The following AGMO variants were observed in gnomAD, a reference collection of about 807,000 sequenced individuals.
AGMO encodes alkylglycerol monooxygenase, also known as glyceryl-ether monooxygenase.
A neutral mutation model predicts 60.2 loss-of-function variants in AGMO; 75 were observed. That is an observed-to-expected ratio of 1.25 (90% confidence interval 1.03 to 1.51). The LOEUF (loss-of-function observed/expected upper bound fraction) is 1.51. AGMO is among the 40% of genes most tolerant of loss of function. The pLI is 0.00. For synonymous variants in AGMO, 261 were observed against 177.1 expected, an observed-to-expected ratio of 1.47 and a Z score of -3.76; for missense variants, 763 against 525.5, an observed-to-expected ratio of 1.45 and a Z score of -4.42.
intron 12 of AGMO, among the ~76,000 whole-genome samples, chr7:15,353,204 C>G (rs999889601): frequency 6.6e-6 from 1 of 152,066 alleles, no homozygotes; most frequent in Non-Finnish European, 1.5e-5. Flanking sequence ...TAATTCACCA[C>G]GCTGACGTTG....
At chr7:15,477,425 G>A (rs892142053) in intron 3 of AGMO, among the ~76,000 whole-genome samples, 1 of 152,042 alleles carries the variant, frequency 6.6e-6, no homozygotes, top group South Asian at 2.1e-4. Flanking sequence ...GTTTCAAGGT[G>A]AAAATACATT....
intron 3 of AGMO, among the ~76,000 whole-genome samples, chr7:15,532,399 A>G (rs549945109): frequency 6.6e-6 from 1 of 152,310 alleles, no homozygotes; most frequent in South Asian, 2.1e-4. Flanking sequence ...GAGTTGGGCA[A>G]GTTGCTTAAA....
At chr7:15,438,424 A>G (rs1781459241) in intron 3 of AGMO, among the ~76,000 whole-genome samples, 1 of 152,212 alleles carries the variant, frequency 6.6e-6, no homozygotes, top group African/African-American at 2.4e-5. Context: ...AAATGGAGAT[A>G]CAATAATATT....
chr7:15,247,472 A>AGG (rs1216523864), intron 12 of AGMO, among the ~76,000 whole-genome samples: 2 of 150,246 alleles, frequency 1.3e-5, no homozygotes, highest in African/African-American at 2.5e-5. Flanking sequence ...AGAGAGAGAG[A>AGG]GAGAGAGGGA....
chr7:15,310,745 T>A (rs1005975405), intron 12 of AGMO, among the ~76,000 whole-genome samples: 8 of 152,150 alleles, frequency 5.3e-5, no homozygotes, highest in Non-Finnish European at 1.0e-4. Flanking sequence ...ACAAATTAAT[T>A]TTTTACAGTT....
chr7:15,133,484 G>A, the AGMO span, among the ~76,000 whole-genome samples: 1 of 134,670 alleles, frequency 7.4e-6, no homozygotes, highest in African/African-American at 2.6e-5. Context: ...ATAGAATGGA[G>A]AGAGAATACC....
rs991491092 is a variant in AGMO at position 15,549,405 on chromosome 7, C to T, written c.258-4482G>A. On this transcript the variant is annotated intron_variant, in intron 2 of 12. Transcript: ENST00000342526. Reference sequence around the variant, plus strand: ...TAAAGAGTGAAGACCCATCAGTGCACTGTATTCAGGAAACCCATCTCATGT... The same window carrying T: ...TAAAGAGTGAAGACCCATCAGTGCATTGTATTCAGGAAACCCATCTCATGT... Among the ~76,000 whole-genome samples, 101 of 152,244 alleles carry T rather than the reference C, an allele frequency of 6.6e-4. 2 individuals carry two copies. The highest frequency in any genetic ancestry group is 2.4e-3 in the African/African-American group (99 of 41,494).
At chr7:15,272,341 C>T (rs999651540) in intron 12 of AGMO, among the ~76,000 whole-genome samples, 4 of 142,612 alleles carry the variant, frequency 2.8e-5, no homozygotes, top group Non-Finnish European at 6.0e-5. Context: ...CAAGTGTTCT[C>T]GTTGTTCAAT....
chr7:15,404,776 G>A (rs985078284), intron 5 of AGMO, among the ~76,000 whole-genome samples: 2 of 151,764 alleles, frequency 1.3e-5, no homozygotes, highest in African/African-American at 4.8e-5. Context: ...TTTCAGATAT[G>A]ACTTCTACTG....
In AGMO at chr7:15,523,739, A is replaced by T. The variant is rs138424030; in HGVS notation, c.409+21033T>A. ...TTAGGAGAAATACCTAATGTAGATG[A>T]CAGGTTGATGGGTGCAGCAAACCAC... On this transcript the variant is annotated intron_variant, in intron 3 of 12. Transcript: ENST00000342526. 5.2e-4 allele frequency among the ~76,000 whole-genome samples: 79 copies of T among 152,234 alleles called. No homozygotes were observed. The East Asian group carries it at 0.01, about 20-fold the overall frequency.
intron 3 of AGMO, among the ~76,000 whole-genome samples, chr7:15,448,001 T>C (rs1212442845): frequency 6.6e-6 from 1 of 152,234 alleles, no homozygotes; most frequent in East Asian, 1.9e-4. Flanking sequence ...AAAAATTCTT[T>C]TGATTGCTTC....
At chr7:15,382,259 T>C (rs1422626895) in intron 10 of AGMO, among the ~76,000 whole-genome samples, 1 of 152,204 alleles carries the variant, frequency 6.6e-6, no homozygotes, top group African/African-American at 2.4e-5. Flanking sequence ...GCAGGATACA[T>C]TGCATACACA....
In AGMO at chr7:15,366,191, A is replaced by T; in HGVS notation, c.1106T>A (p.Val369Asp). Residue 369 changes from valine (V) to aspartate (D), a missense_variant, in exon 11 of 13, where the codon GTT becomes GAT. Val to Asp is a radical substitution (Grantham distance 152). Transcript: ENST00000342526. ...AGTCAAGGTCAGGATAATGAAGCAA[A>T]CCCTCAGAAGGAGAGTAACTTGCGA... is the stretch of plus-strand genomic sequence containing the variant. ...ALSQVTLLLR[V>D]CFIILTLTSI... The T allele has an allele frequency of 1.2e-6, 2 of 1,609,000 alleles. No homozygotes were observed. Among genetic ancestry groups the T allele is most frequent in the Non-Finnish European group, 1.7e-6 (2 of 1,177,130 alleles).
chr7:15,182,100 A>G, the AGMO span, among the ~76,000 whole-genome samples: 6 of 152,218 alleles, frequency 3.9e-5, no homozygotes, highest in East Asian at 5.8e-4. Flanking sequence ...AGCCAGTCAA[A>G]AAAAGGAAAA....
intron 10 of AGMO, among the ~76,000 whole-genome samples, chr7:15,370,372 G>GT (rs1467719682): frequency 6.6e-6 from 1 of 152,110 alleles, no homozygotes; most frequent in Non-Finnish European, 1.5e-5. Context: ...ATGAGTGCAT[G>GT]TGTCTTTTAG....
At chr7:15,210,469 T>C (rs1781557155) in intron 12 of AGMO, among the ~76,000 whole-genome samples, 1 of 152,128 alleles carries the variant, frequency 6.6e-6, no homozygotes, top group Non-Finnish European at 1.5e-5. Flanking sequence ...GATTTGTTAT[T>C]TGGAAACTGA....
intron 3 of AGMO, among the ~76,000 whole-genome samples, chr7:15,509,954 A>G (rs893034053): frequency 6.6e-6 from 1 of 152,194 alleles, no homozygotes; most frequent in East Asian, 1.9e-4. Context: ...GAACCCTAGT[A>G]CACTGTGAGT....
At chr7:15,368,193 G>A (rs1386684688) in intron 10 of AGMO, among the ~76,000 whole-genome samples, 1 of 151,454 alleles carries the variant, frequency 6.6e-6, no homozygotes, top group Non-Finnish European at 1.5e-5. Flanking sequence ...GTCAGTGAAA[G>A]CCAGAATGTC....
At chr7:15,406,350 A>ATATATATGGAATATACATATATATGTGTG (rs1784689720) in intron 5 of AGMO, among the ~76,000 whole-genome samples, 1 of 145,456 alleles carries the variant, frequency 6.9e-6, no homozygotes, top group African/African-American at 2.6e-5. Flanking sequence ...ATATATGTGT[A>ATATATATGGAATATACATATATATGTGTG]TATATATGTA....
Sources: gnomAD v4.1 joint callset for allele counts (sites outside exome capture counted in the v4.1 genomes callset) on GRCh38, gnomAD v4.1.1 for gene constraint, MANE v1.5 for transcripts, NCBI Gene and HGNC (gene_info 2026-07-23, HGNC 2026-07-21) for gene names.